The following ACBD6 variants were observed in gnomAD, a reference collection of about 807,000 sequenced individuals.
The protein encoded by ACBD6 is acyl-CoA-binding domain-containing protein 6.
A neutral mutation model predicts 37.2 loss-of-function variants in ACBD6; 28 were observed. The ratio of observed to expected loss-of-function variants is 0.75; its 90% CI spans 0.56 to 1.03. The LOEUF is 1.03. Ranked by LOEUF, ACBD6 falls within the 50% of genes least tolerant of loss-of-function variation. ACBD6 has a pLI of 0.00. For synonymous variants in ACBD6, 113 were observed against 126.8 expected (o/e 0.89, Z 0.73); for missense variants, 340 against 337.4 (o/e 1.01, Z -0.06).
At chr1:180,425,486 C>G (rs1648546416) in intron 4 of ACBD6, among the ~76,000 whole-genome samples, 1 of 152,194 alleles carries the variant, frequency 6.6e-6, no homozygotes, top group African/African-American at 2.4e-5. Context: ...ACCAGCCAAA[C>G]AGATGGAGGG....
At chr1:180,379,999 T>C (rs1000071812) in intron 6 of ACBD6, among the ~76,000 whole-genome samples, 2 of 152,174 alleles carry the variant, frequency 1.3e-5, no homozygotes, top group African/African-American at 4.8e-5. Flanking sequence ...TAGTGGCTCA[T>C]GCCTACAATT....
chr1:180,274,788 G>C (rs547140594), exon 10 of ACBD6: 2 of 591,484 alleles, frequency 3.4e-6, no homozygotes, highest in South Asian at 2.3e-5. Flanking sequence ...ACTCATCTCA[G>C]AACACAGCAC....
At position 180,377,805 on chromosome 1, in the gene ACBD6, G is replaced by C. The variant is rs187606000; in HGVS notation, c.663+19711C>G. On this transcript the variant is annotated intron_variant, in intron 6 of 7. Coordinates refer to ENST00000367595, the MANE Select transcript of ACBD6 (RefSeq NM_032360.4). Reference sequence around the variant, plus strand: ...TCTACTAAAAATGCAAAATTAGCTGGTCATGGTGGCACATGCCTGTAACCC... The same window carrying C: ...TCTACTAAAAATGCAAAATTAGCTGCTCATGGTGGCACATGCCTGTAACCC... Among the ~76,000 whole-genome samples the C allele has an allele frequency of 2.4e-4, 36 of 152,106 alleles. No individual in the cohort carries two copies. The East Asian group carries it at 6.0e-3, about 25-fold the overall frequency.
At chr1:180,360,405 T>C (rs1277674226) in intron 6 of ACBD6, among the ~76,000 whole-genome samples, 1 of 152,192 alleles carries the variant, frequency 6.6e-6, no homozygotes, top group Non-Finnish European at 1.5e-5. Context: ...CAGAGGTATC[T>C]CTTTTCACAC....
intron 5 of ACBD6, among the ~76,000 whole-genome samples, chr1:180,399,176 AGT>A: frequency 6.6e-6 from 1 of 152,342 alleles, no homozygotes; most frequent in South Asian, 2.1e-4. Context: ...GCAGAGAAAA[AGT>A]GTGGTCAAAT....
intron 1 of ACBD6, among the ~76,000 whole-genome samples, chr1:180,498,776 T>TG (rs1160568122): frequency 1.3e-5 from 2 of 151,642 alleles, no homozygotes; most frequent in East Asian, 3.9e-4. Flanking sequence ...GAGAATAGCT[T>TG]GAACCTAGGA....
chr1:180,274,501 A>G (rs961690108), intron 10 of ACBD6: 3 of 1,613,382 alleles, frequency 1.9e-6, no homozygotes, highest in African/African-American at 1.3e-5. Flanking sequence ...ACATCTCCAC[A>G]GGAAGCAGTG....
At chr1:180,329,874 C>T (rs1028002712) in intron 6 of ACBD6, among the ~76,000 whole-genome samples, 1 of 152,134 alleles carries the variant, frequency 6.6e-6, no homozygotes, top group Admixed American at 6.6e-5. Context: ...TTTTTACTGG[C>T]TGTCTTTCTG....
At chr1:180,310,498 T>G (rs980919373) in intron 7 of ACBD6, among the ~76,000 whole-genome samples, 7 of 152,242 alleles carry the variant, frequency 4.6e-5, no homozygotes, top group Non-Finnish European at 8.8e-5. Context: ...ATAAAATATG[T>G]ATTTGTATGT....
intron 3 of ACBD6, among the ~76,000 whole-genome samples, chr1:180,456,735 T>A (rs1420211135): frequency 6.6e-6 from 1 of 152,146 alleles, no homozygotes; most frequent in African/African-American, 2.4e-5. Context: ...TTAAAATTTT[T>A]TTTTTTTTAA....
rs531918874 is a variant in ACBD6, at chr1:180,502,369, A to G, written c.-103T>C. On this transcript the variant is annotated 5_prime_UTR_variant, in exon 1 of 8. Coordinates refer to ENST00000367595, the MANE Select transcript of ACBD6 (RefSeq NM_032360.4). ...CCCACCAGTCTGGGTCGCGAGCCTG[A>G]GCTCCAGTCGGACCCAAGCTCAGTC... The G allele has an allele frequency of 5.4e-4, 706 of 1,316,828 alleles. 1 individual carries two copies. The highest frequency in any genetic ancestry group is 2.2e-3 in the Admixed American group (114 of 51,194). The allele number at this position is 1,316,828 out of a possible 1,614,324, so 81.6% of individuals were successfully genotyped here.
chr1:180,457,977 G>C (rs1242963403), intron 3 of ACBD6, among the ~76,000 whole-genome samples: 1 of 151,830 alleles, frequency 6.6e-6, no homozygotes, highest in African/African-American at 2.4e-5. Flanking sequence ...ATTTTTTTTA[G>C]TAGAGACAGG....
chr1:180,403,288 T>G (rs1442300573), intron 5 of ACBD6, among the ~76,000 whole-genome samples: 1 of 152,216 alleles, frequency 6.6e-6, no homozygotes, highest in Non-Finnish European at 1.5e-5. Context: ...TATATGTATT[T>G]GTCAAAGTTC....
At chr1:180,365,277 T>C (rs1653013528) in intron 6 of ACBD6, among the ~76,000 whole-genome samples, 1 of 152,216 alleles carries the variant, frequency 6.6e-6, no homozygotes, top group Admixed American at 6.5e-5. Flanking sequence ...TAGAAGAACG[T>C]GCCCACGATT....
In ACBD6 at chr1:180,288,341, C is replaced by CTG. The variant is rs565644992; in HGVS notation, c.*20_*21dup. On this transcript the variant is annotated 3_prime_UTR_variant, in exon 8 of 8. Transcript: ENST00000367595. ...AATGGAAGCCTTATGCTATTACAGA[C>CTG]TGCAGTTTTCCAGTCTTTTGATTAA... The CTG allele has an allele frequency of 6.4e-4, 1,031 of 1,613,476 alleles. 14 individuals are homozygous for CTG. In the South Asian group the frequency reaches 0.011, roughly 17 times the overall value.
chr1:180,291,499 A>G (rs534098759), intron 7 of ACBD6, among the ~76,000 whole-genome samples: 1 of 152,292 alleles, frequency 6.6e-6, no homozygotes, highest in South Asian at 2.1e-4. Flanking sequence ...TTATCTGCCA[A>G]CTATCTATCT....
At chr1:180,451,182 C>T (rs1431225879) in intron 3 of ACBD6, among the ~76,000 whole-genome samples, 1 of 152,116 alleles carries the variant, frequency 6.6e-6, no homozygotes, top group Non-Finnish European at 1.5e-5. Flanking sequence ...CAGGGAAATG[C>T]AAATTGAAAT....
chr1:180,291,909 T>G (rs934709476), intron 7 of ACBD6, among the ~76,000 whole-genome samples: 3 of 152,198 alleles, frequency 2.0e-5, no homozygotes, highest in Admixed American at 2.0e-4. Context: ...GTCCAATTGT[T>G]ACAGCTCTAT....
chr1:180,449,832 A>C (rs1649630984), intron 3 of ACBD6, among the ~76,000 whole-genome samples: 1 of 151,830 alleles, frequency 6.6e-6, no homozygotes, highest in Non-Finnish European at 1.5e-5. Flanking sequence ...TAATGGGTAC[A>C]GCAAACCAAC....
Sources: gnomAD v4.1 joint callset for allele counts (sites outside exome capture counted in the v4.1 genomes callset) on GRCh38, gnomAD v4.1.1 for gene constraint, MANE v1.5 for transcripts, NCBI Gene and HGNC (gene_info 2026-07-23, HGNC 2026-07-21) for gene names.